GMDS: variants seen among roughly 807,000 people sequenced by gnomAD.
GMDS encodes the protein GDP-mannose 4,6 dehydratase.
Under a neutral mutation model 49.9 loss-of-function variants are expected in GMDS, and 20 were observed. The observed-to-expected ratio is 0.40, with a 90% CI of 0.28 to 0.58. The LOEUF (loss-of-function observed/expected upper bound fraction) is 0.58. GMDS is among the 20% of genes least tolerant of loss of function. GMDS has a pLI of 0.42. For synonymous variants in GMDS, 177 were observed against 178.6 expected, an observed-to-expected ratio of 0.99 and a Z score of 0.07; for missense variants, 362 against 481.4, an observed-to-expected ratio of 0.75 and a Z score of 2.32.
At chr6:1,876,240 A>G (rs1759053387) in intron 7 of GMDS, among the ~76,000 whole-genome samples, 1 of 141,416 alleles carries the variant, frequency 7.1e-6, no homozygotes, top group African/African-American at 3.2e-5. Context: ...CCTGGGCAAC[A>G]AGAGCGAAAC....
chr6:1,875,317 T>TAC (rs56053544), intron 7 of GMDS, among the ~76,000 whole-genome samples: 1,919 of 150,094 alleles, frequency 0.013, 10 homozygotes, highest in Middle Eastern at 0.048. Flanking sequence ...TTTTTGTATT[T>TAC]ACACACACAC....
chr6:1,635,908 G>C lies in GMDS; in HGVS notation c.988-11368C>G, dbSNP rs1409521889. Among the ~76,000 whole-genome samples, 1 of 152,196 alleles carries C rather than the reference G, an allele frequency of 6.6e-6. No homozygotes were observed. The highest frequency in any genetic ancestry group is 2.4e-5 in the African/African-American group (1 of 41,444). On this transcript the variant is annotated intron_variant, in intron 9 of 10. Coordinates refer to ENST00000380815, the MANE Select transcript of GMDS (RefSeq NM_001500.4). This position sits in a 1 kb window ranked among gnomAD's most constrained non-coding sequence, Gnocchi z 4.7. ...CTGCTCTTCTCTGCTCTCAGCTGGG[G>C]CTATCTTTAGGACACTACTGTTTGG...
intron 7 of GMDS, among the ~76,000 whole-genome samples, chr6:1,848,301 T>C (rs1757506956): frequency 6.6e-6 from 1 of 152,138 alleles, no homozygotes; most frequent in Non-Finnish European, 1.5e-5. Flanking sequence ...CCTCTGCTCA[T>C]CTGTTCCCAC....
At chr6:2,065,724 A>T (rs925293795) in intron 4 of GMDS, among the ~76,000 whole-genome samples, 1 of 152,136 alleles carries the variant, frequency 6.6e-6, no homozygotes, top group Non-Finnish European at 1.5e-5. Flanking sequence ...TTAGAGAAAA[A>T]AGAATAAAAA....
At chr6:1,760,392 A>G (rs960209905) in intron 7 of GMDS, among the ~76,000 whole-genome samples, 2 of 152,210 alleles carry the variant, frequency 1.3e-5, no homozygotes, top group African/African-American at 4.8e-5. Flanking sequence ...TGACCTCAGT[A>G]TCCAGTGGGG....
At chr6:2,025,357 G>GGTGTGTGTGTGTGTGTGT (rs200096039) in intron 4 of GMDS, among the ~76,000 whole-genome samples, 2 of 136,576 alleles carry the variant, frequency 1.5e-5, no homozygotes, top group East Asian at 4.3e-4. Context: ...CTGATGGTGG[G>GGTGTGTGTGTGTGTGTGT]GTGTGTGTGT....
At chr6:1,742,638 C>T (rs752104427) in intron 7 of GMDS, 52 bp from the exon 8 acceptor site, 22 of 931,688 alleles carry the variant, frequency 2.4e-5, no homozygotes, top group Non-Finnish European at 3.9e-5. Flanking sequence ...AGTGGCCACA[C>T]ATTGTTTTCC....
At chr6:2,133,047 G>T (rs1364156961) in intron 1 of GMDS, among the ~76,000 whole-genome samples, 1 of 152,140 alleles carries the variant, frequency 6.6e-6, no homozygotes, top group Non-Finnish European at 1.5e-5. Context: ...AAAGTGACAG[G>T]CCATACAATT....
chr6:2,098,118 C>T (rs1581646617), intron 4 of GMDS, among the ~76,000 whole-genome samples: 2 of 152,242 alleles, frequency 1.3e-5, no homozygotes, highest in African/African-American at 2.4e-5. Flanking sequence ...TGCAGTGGCA[C>T]GATCTCGGCT....
chr6:1,913,954 CG>C (rs745597942), intron 7 of GMDS, among the ~76,000 whole-genome samples: 79 of 151,988 alleles, frequency 5.2e-4, no homozygotes, highest in Middle Eastern at 6.8e-3. Context: ...AGTGGATGTA[CG>C]GGGGGAAAGG....
intron 9 of GMDS, among the ~76,000 whole-genome samples, chr6:1,641,563 C>A (rs548569227): frequency 6.6e-6 from 1 of 152,200 alleles, no homozygotes. Context: ...GTGCTTAGCA[C>A]TGGGGAAGGG....
chr6:1,706,211 T>C (rs1187334959), intron 9 of GMDS, among the ~76,000 whole-genome samples: 2 of 152,196 alleles, frequency 1.3e-5, no homozygotes, highest in Admixed American at 1.3e-4. Context: ...TGATCAGATG[T>C]GTGCGGTGTG....
intron 7 of GMDS, among the ~76,000 whole-genome samples, chr6:1,793,039 G>T (rs1299490387): frequency 6.6e-6 from 1 of 152,088 alleles, no homozygotes; most frequent in Admixed American, 6.6e-5. Context: ...TCACTCTTCA[G>T]TATATCCTCT....
chr6:1,654,932 G>C (rs575619682), intron 9 of GMDS, among the ~76,000 whole-genome samples: 1 of 151,648 alleles, frequency 6.6e-6, no homozygotes, highest in Non-Finnish European at 1.5e-5. Context: ...GTGGTGGTGC[G>C]CACTTGTAGT....
intron 7 of GMDS, among the ~76,000 whole-genome samples, chr6:1,811,268 G>A (rs1007010213): frequency 6.6e-6 from 1 of 152,114 alleles, no homozygotes; most frequent in Non-Finnish European, 1.5e-5. Context: ...AGTCATCTAA[G>A]AACATACTCT....
At chr6:2,156,326 A>G (rs1777112326) in intron 1 of GMDS, among the ~76,000 whole-genome samples, 1 of 152,140 alleles carries the variant, frequency 6.6e-6, no homozygotes, top group Non-Finnish European at 1.5e-5. Context: ...AATTATCTCT[A>G]CGTCACTATC....
intron 7 of GMDS, among the ~76,000 whole-genome samples, chr6:1,801,552 T>C (rs1769950685): frequency 6.6e-6 from 1 of 152,238 alleles, no homozygotes; most frequent in South Asian, 2.1e-4. Context: ...ACTCACATGA[T>C]GCATTCCCCA....
intron 9 of GMDS, among the ~76,000 whole-genome samples, chr6:1,681,684 C>T (rs188156635): frequency 6.6e-6 from 1 of 152,294 alleles, no homozygotes; most frequent in African/African-American, 2.4e-5. Flanking sequence ...AAAGAGAATG[C>T]CGTGAATCTG....
At chr6:1,788,212 G>A (rs895335573) in intron 7 of GMDS, among the ~76,000 whole-genome samples, 10 of 152,204 alleles carry the variant, frequency 6.6e-5, no homozygotes, top group African/African-American at 2.2e-4. Flanking sequence ...TCGGGAGGGC[G>A]ATCCAGAGTT....
Sources: gnomAD v4.1 joint callset for allele counts (sites outside exome capture counted in the v4.1 genomes callset) on GRCh38, gnomAD v4.1.1 for gene constraint, Gnocchi (gnomAD v3.1) non-coding constraint, MANE v1.5 for transcripts, NCBI Gene and HGNC (gene_info 2026-07-23, HGNC 2026-07-21) for gene names.